PDE7A: variants seen among roughly 807,000 people sequenced by gnomAD.
PDE7A encodes high affinity 3',5'-cyclic-AMP phosphodiesterase 7A.
Under a neutral mutation model 64.3 loss-of-function variants are expected in PDE7A, and 39 were observed. The observed-to-expected ratio is 0.61, with a 90% CI of 0.47 to 0.79. The LOEUF is 0.79. Ranked by LOEUF, PDE7A falls within the 30% of genes least tolerant of loss-of-function variation. The pLI, the probability that PDE7A is intolerant of heterozygous loss-of-function variation, is 0.00. For synonymous variants in PDE7A, 203 were observed against 206.8 expected, an observed-to-expected ratio of 0.98 and a Z score of 0.16; for missense variants, 470 against 582.8, an observed-to-expected ratio of 0.81 and a Z score of 1.99.
chr8:65,798,206 A>ATATATATTTTT, intron 1 of PDE7A, among the ~76,000 whole-genome samples: 8 of 73,834 alleles, frequency 1.1e-4, no homozygotes, highest in African/African-American at 4.1e-4. Context: ...ATATATATAT[A>ATATATATTTTT]TTTTTTTTTT....
chr8:65,790,123 G>A (rs1253808817), intron 1 of PDE7A, among the ~76,000 whole-genome samples: 2 of 152,202 alleles, frequency 1.3e-5, no homozygotes, highest in African/African-American at 2.4e-5. Flanking sequence ...ACAGGCGTGA[G>A]GGCCAAAGGG....
intron 3 of PDE7A, among the ~76,000 whole-genome samples, chr8:65,773,323 A>G (rs1348281344): frequency 6.6e-6 from 1 of 152,224 alleles, no homozygotes; most frequent in African/African-American, 2.4e-5. Flanking sequence ...TTAAAGAGAC[A>G]TATTCTTGTT....
chr8:65,818,854 CACA>C (rs1340802807), intron 1 of PDE7A, among the ~76,000 whole-genome samples: 3 of 152,242 alleles, frequency 2.0e-5, no homozygotes, highest in East Asian at 1.9e-4. Context: ...AATTCATATC[CACA>C]ACATTACCCA....
intron 11 of PDE7A, 77 bp from the exon 12 acceptor site, chr8:65,723,698 C>A: frequency 9.9e-7 from 1 of 1,008,094 alleles, no homozygotes; most frequent in South Asian, 2.3e-5. Flanking sequence ...CTTGAACATA[C>A]CTGTGCATTT....
At chr8:65,764,428 C>A (rs1325068197) in intron 3 of PDE7A, among the ~76,000 whole-genome samples, 2 of 152,092 alleles carry the variant, frequency 1.3e-5, no homozygotes, top group Non-Finnish European at 2.9e-5. Flanking sequence ...CTTTCGCAGA[C>A]CAAACAGATA....
chr8:65,836,281 C>T (rs932038176), intron 1 of PDE7A, among the ~76,000 whole-genome samples: 1 of 152,098 alleles, frequency 6.6e-6, no homozygotes, highest in Non-Finnish European at 1.5e-5. Context: ...TAAACAAGCA[C>T]GGGATATGCA....
intron 1 of PDE7A, among the ~76,000 whole-genome samples, chr8:65,827,265 G>A (rs1810700806): frequency 6.6e-6 from 1 of 152,172 alleles, no homozygotes; most frequent in African/African-American, 2.4e-5. Context: ...GCCTTTGTGT[G>A]TCCTTTAACC....
chr8:65,744,140 A>T (rs1807565645), intron 5 of PDE7A, among the ~76,000 whole-genome samples: 1 of 152,144 alleles, frequency 6.6e-6, no homozygotes, highest in Non-Finnish European at 1.5e-5. Context: ...GCCTAGCTGA[A>T]CTGCTTTTAC....
Position 65,841,659 on chromosome 8 carries a change from C to T in PDE7A, c.-151G>A, listed in dbSNP as rs1466765625. ...CCGGGCTGGGAAGCCGCGCTCACGC[C>T]TCCCCAACCCCAGCCCTCCGCTCGG... On this transcript the variant is annotated 5_prime_UTR_variant, in exon 1 of 13. Transcript: ENST00000401827. The T allele has an allele frequency of 1.1e-5, 2 of 185,880 alleles. No individual in the cohort carries two copies. Among genetic ancestry groups the T allele is most frequent in the Non-Finnish European group, 2.1e-5 (2 of 93,834 alleles). The allele number at this position is 185,880 out of a possible 1,614,324, so 11.5% of individuals were successfully genotyped here.
intron 1 of PDE7A, among the ~76,000 whole-genome samples, chr8:65,821,791 C>G (rs1810547698): frequency 6.6e-6 from 1 of 152,080 alleles, no homozygotes; most frequent in African/African-American, 2.4e-5. Context: ...CAGTATCTTT[C>G]TAATTTTGAT....
intron 7 of PDE7A, chr8:65,728,476 A>G (rs1214034044): frequency 6.6e-6 from 1 of 152,254 alleles, no homozygotes; most frequent in African/African-American, 2.4e-5. Context: ...GCAGAGATGC[A>G]TATTATTTAT....
intron 1 of PDE7A, among the ~76,000 whole-genome samples, chr8:65,813,815 T>C (rs1456432966): frequency 6.6e-6 from 1 of 152,200 alleles, no homozygotes; most frequent in East Asian, 1.9e-4. Context: ...AATCGTCTGG[T>C]AGTCAAATCA....
intron 3 of PDE7A, among the ~76,000 whole-genome samples, chr8:65,764,230 CTATT>C (rs902328734): frequency 6.6e-6 from 1 of 151,990 alleles, no homozygotes; most frequent in Non-Finnish European, 1.5e-5. Flanking sequence ...TCGCCATAAA[CTATT>C]AAAGAAATGT....
At chr8:65,779,989 A>T (rs1809367066) in intron 2 of PDE7A, among the ~76,000 whole-genome samples, 186 bp from the exon 3 acceptor site, 1 of 152,170 alleles carries the variant, frequency 6.6e-6, no homozygotes, top group Admixed American at 6.5e-5. Flanking sequence ...ATTAATTGTA[A>T]GGCTGAATGA....
chr8:65,811,387 G>A (rs1209884776), intron 1 of PDE7A, among the ~76,000 whole-genome samples: 1 of 152,148 alleles, frequency 6.6e-6, no homozygotes, highest in Non-Finnish European at 1.5e-5. Context: ...GCCCTCCAGG[G>A]GGAAAAGCTG....
intron 1 of PDE7A, among the ~76,000 whole-genome samples, chr8:65,793,037 T>C (rs1315856442): frequency 6.6e-6 from 1 of 152,068 alleles, no homozygotes; most frequent in Non-Finnish European, 1.5e-5. Context: ...ACAATTCAAG[T>C]CTTCAGGTCC....
chr8:65,727,477 C>G, intron 7 of PDE7A, 176 bp from the exon 8 acceptor site: 1 of 736,378 alleles, frequency 1.4e-6, no homozygotes, highest in South Asian at 2.2e-5. Flanking sequence ...GTCCTGATCT[C>G]ATCACCACAC....
chr8:65,787,086 CAA>C (rs1809578824), intron 1 of PDE7A, among the ~76,000 whole-genome samples: 1 of 152,152 alleles, frequency 6.6e-6, no homozygotes, highest in African/African-American at 2.4e-5. Flanking sequence ...TAAAACCCAG[CAA>C]AGATATTTTA....
At chr8:65,831,793 T>G (rs1182034261) in intron 1 of PDE7A, among the ~76,000 whole-genome samples, 2 of 152,190 alleles carry the variant, frequency 1.3e-5, no homozygotes, top group African/African-American at 4.8e-5. Flanking sequence ...TGCCCACCCT[T>G]TACGAACAGC....
Sources: allele counts gnomAD v4.1 joint callset (sites outside exome capture counted in the v4.1 genomes callset), GRCh38; gene constraint gnomAD v4.1.1; transcripts MANE v1.5; gene names NCBI Gene and HGNC (gene_info 2026-07-23, HGNC 2026-07-21).